Variants in CEP57L1 observed in about 807,000 individuals in gnomAD.
The protein encoded by CEP57L1 is centrosomal protein CEP57L1.
Under a neutral mutation model 61.0 loss-of-function variants are expected in CEP57L1, and 37 were observed. The observed-to-expected ratio is 0.61, with a 90% confidence interval of 0.47 to 0.80. The LOEUF is 0.80. CEP57L1 is among the 30% of genes least tolerant of loss of function. The pLI is 0.00. For missense variants in CEP57L1, 422 were observed against 524.7 expected, an observed-to-expected ratio of 0.80 and a Z score of 1.91; for synonymous variants, 137 against 162.3, an observed-to-expected ratio of 0.84 and a Z score of 1.19.
rs1774439719 is a variant in CEP57L1 at position 109,172,262 on chromosome 6, C to T, written c.*9292C>T. 6.6e-6 allele frequency among the ~76,000 whole-genome samples: 1 copy of T among 152,110 alleles called. No individual in the cohort carries two copies. Among genetic ancestry groups the T allele is most frequent in the East Asian group, 1.9e-4 (1 of 5,188 alleles). On this transcript the variant is annotated 3_prime_UTR_variant, in exon 11 of 11. Transcript: ENST00000517392. ...GAATTGCTAACCAGGGAAGCTCCAC[C>T]AAGCCTTGGTGTCCAGATTTTTTCT...
chr6:109,156,342 AG>A (rs145614567), intron 7 of CEP57L1: 2 of 152,142 alleles, frequency 1.3e-5, no homozygotes, highest in African/African-American at 4.8e-5. Flanking sequence ...ATAAAAAATA[AG>A]GTTTTTCTTA....
rs1280639403 is a variant in CEP57L1, at chr6:109,174,311, A to G, written c.*11341A>G. Among the ~76,000 whole-genome samples the G allele has an allele frequency of 6.6e-6, 1 of 152,188 alleles. No individual in the cohort carries two copies. The highest frequency in any genetic ancestry group is 1.5e-5 in the Non-Finnish European group (1 of 68,038). On this transcript the variant is annotated 3_prime_UTR_variant, in exon 11 of 11. Coordinates refer to ENST00000517392, the MANE Select transcript of CEP57L1 (RefSeq NM_001271852.3). ...AGCTGGCAGCAATCATTCCCATCCC[A>G]TCACAGATCCAGGCTTATTTGTAGA...
At chr6:109,142,820 G>GT (rs1771530447) in intron 1 of CEP57L1, among the ~76,000 whole-genome samples, 1 of 152,082 alleles carries the variant, frequency 6.6e-6, no homozygotes, top group South Asian at 2.1e-4. Context: ...GTACTTCTCT[G>GT]TATTTTCAGA....
intron 1 of CEP57L1, among the ~76,000 whole-genome samples, chr6:109,131,086 A>G (rs1280315759): frequency 6.6e-6 from 1 of 152,138 alleles, no homozygotes. Flanking sequence ...TTTTAAGTTA[A>G]TTATAAATTA....
chr6:109,150,907 T>G (rs955934659), intron 4 of CEP57L1, among the ~76,000 whole-genome samples: 23 of 152,300 alleles, frequency 1.5e-4, no homozygotes, highest in African/African-American at 5.5e-4. Context: ...TTGTTACTAG[T>G]AGGTCCACTC....
chr6:109,147,372 T>G (rs188852644), intron 3 of CEP57L1, among the ~76,000 whole-genome samples: 1 of 152,248 alleles, frequency 6.6e-6, no homozygotes, highest in Admixed American at 6.5e-5. Flanking sequence ...CAAAAGAATT[T>G]TATTTAATGA....
Position 109,168,196 on chromosome 6 carries a change from T to C in CEP57L1, c.*5226T>C. 6.6e-6 allele frequency among the ~76,000 whole-genome samples: 1 copy of C among 152,258 alleles called. No individual in the cohort carries two copies. The highest frequency in any genetic ancestry group is 1.9e-4 in the East Asian group (1 of 5,198). ...TGGTAGCAGTATTGGTCTAGGATTT[T>C]CACTCTTTATTAGGCTTCTTGATTG... On this transcript the variant is annotated 3_prime_UTR_variant, in exon 11 of 11. Coordinates refer to ENST00000517392, the MANE Select transcript of CEP57L1 (RefSeq NM_001271852.3).
Position 109,159,401 on chromosome 6 carries a change from A to G in CEP57L1, c.955A>G (p.Ile319Val), listed in dbSNP as rs751122664. Residue 319 changes from isoleucine to valine, a missense_variant, in exon 9 of 11, where the codon ATT becomes GTT. Coordinates refer to ENST00000517392, the MANE Select transcript of CEP57L1 (RefSeq NM_001271852.3). ...IPPDSEKSIS[I>V]CDNLSELLMA... is the part of the protein sequence containing the mutation. Reference sequence around the variant, plus strand: ...TCCTGACTCAGAAAAGTCCATTTCCATTTGTGACAATTTATCTGAACTTTT... The same window carrying G: ...TCCTGACTCAGAAAAGTCCATTTCCGTTTGTGACAATTTATCTGAACTTTT... 1.2e-6 allele frequency: 2 copies of G among 1,613,734 alleles called. No homozygotes were observed. The highest frequency in any genetic ancestry group is 4.5e-5 in the East Asian group (2 of 44,884).
intron 1 of CEP57L1, among the ~76,000 whole-genome samples, chr6:109,106,872 A>T (rs1045238167): frequency 6.6e-6 from 1 of 152,280 alleles, no homozygotes; most frequent in African/African-American, 2.4e-5. Context: ...CTCAGGAGGT[A>T]AAGGTTGCAG....
At chr6:109,108,286 G>A (rs962965468) in intron 1 of CEP57L1, among the ~76,000 whole-genome samples, 2 of 151,328 alleles carry the variant, frequency 1.3e-5, no homozygotes, top group Admixed American at 1.3e-4. Context: ...CGTCACCCAG[G>A]GTGGAGTGCA....
chr6:109,126,682 A>G (rs1227066123), intron 1 of CEP57L1, among the ~76,000 whole-genome samples: 3 of 152,202 alleles, frequency 2.0e-5, no homozygotes, highest in Non-Finnish European at 4.4e-5. Flanking sequence ...TACACATTCA[A>G]TAAGGAGAAA....
chr6:109,145,441 T>TG, intron 2 of CEP57L1, 60 bp downstream of exon 2: 4 of 1,133,696 alleles, frequency 3.5e-6, no homozygotes, highest in Non-Finnish European at 4.9e-6. Context: ...CTTTTCATAT[T>TG]TATGTGGAAT....
rs1019027548 is a variant in CEP57L1 at position 109,170,707 on chromosome 6, G to C, written c.*7737G>C. On this transcript the variant is annotated 3_prime_UTR_variant, in exon 11 of 11. Coordinates refer to ENST00000517392, the MANE Select transcript of CEP57L1 (RefSeq NM_001271852.3). ...CTCGAGAAGTCTGTGGAACATTTAT[G>C]GTTTTATAACTTACAATTTCTAGCA... Among the ~76,000 whole-genome samples, 2 of 152,062 alleles carry C rather than the reference G, an allele frequency of 1.3e-5. No homozygotes were observed. The highest frequency in any genetic ancestry group is 4.8e-5 in the African/African-American group (2 of 41,400).
At chr6:109,105,039 T>C (rs1442492892) in intron 1 of CEP57L1, among the ~76,000 whole-genome samples, 1 of 152,188 alleles carries the variant, frequency 6.6e-6, no homozygotes, top group Non-Finnish European at 1.5e-5. Flanking sequence ...ATTGTACCTT[T>C]TGTTCCTTTG....
At chr6:109,141,808 A>G (rs1469809924) in intron 1 of CEP57L1, among the ~76,000 whole-genome samples, 1 of 152,190 alleles carries the variant, frequency 6.6e-6, no homozygotes, top group Non-Finnish European at 1.5e-5. Context: ...CTCTTAAGGT[A>G]AGTTAGCATA....
At chr6:109,106,444 A>G (rs1770942714) in intron 1 of CEP57L1, among the ~76,000 whole-genome samples, 1 of 152,136 alleles carries the variant, frequency 6.6e-6, no homozygotes, top group Non-Finnish European at 1.5e-5. Flanking sequence ...CAGTGTTTTT[A>G]GTGTCAGATG....
In CEP57L1 at chr6:109,150,190, G is replaced by A; in HGVS notation, c.413G>A (p.Arg138Lys). The change falls in exon 4 of 11, where the codon AGA becomes AAA. Residue 138 changes from arginine to lysine, a missense_variant. Physicochemically the swap from Arg to Lys is conservative, Grantham distance 26. Coordinates refer to ENST00000517392, the MANE Select transcript of CEP57L1 (RefSeq NM_001271852.3). ...GAGAAGCAACTAGAATATACAAAGA[G>A]AATGGTTCTCAACGTAGAGCGAGAA... ...LLEKQLEYTK[R>K]MVLNVEREKN... 1.2e-6 allele frequency: 2 copies of A among 1,610,064 alleles called. No individual in the cohort carries two copies. Among genetic ancestry groups the A allele is most frequent in the Non-Finnish European group, 1.7e-6 (2 of 1,176,624 alleles).
intron 1 of CEP57L1, among the ~76,000 whole-genome samples, chr6:109,133,889 A>T (rs555324995): frequency 6.6e-6 from 1 of 152,368 alleles, no homozygotes; most frequent in South Asian, 2.1e-4. Context: ...GAATAGACCA[A>T]TAGCAGGCTC....
intron 2 of CEP57L1, 57 bp downstream of exon 2, chr6:109,145,438 T>C: frequency 8.2e-7 from 1 of 1,212,888 alleles, no homozygotes; most frequent in South Asian, 2.0e-5. Flanking sequence ...AAACTTTTCA[T>C]ATTTATGTGG....
Sources: allele counts gnomAD v4.1 joint callset (sites outside exome capture counted in the v4.1 genomes callset), GRCh38; gene constraint gnomAD v4.1.1; transcripts MANE v1.5; gene names NCBI Gene and HGNC (gene_info 2026-07-23, HGNC 2026-07-21).